The following MAML3 variants were observed in gnomAD, a reference collection of about 807,000 sequenced individuals.
MAML3 encodes mastermind like transcriptional coactivator 3.
In MAML3, 27 loss-of-function variants were observed where a neutral mutation model predicts 101.9. That is an observed-to-expected ratio of 0.27 (90% CI 0.20 to 0.37). The LOEUF (loss-of-function observed/expected upper bound fraction) is 0.37. Among genes scored for constraint, MAML3 ranks in the 10% least tolerant of loss-of-function variants. The probability of loss-of-function intolerance (pLI) is 1.00; values close to 1 mark genes in which losing one functional copy is unlikely to be tolerated. For missense variants in MAML3, 1,316 were observed against 1,444.9 expected (o/e 0.91, Z 1.45); for synonymous variants, 501 against 555.9 (o/e 0.90, Z 1.39).
chr4:140,014,505 T>C (rs778910193), intron 1 of MAML3, among the ~76,000 whole-genome samples: 1 of 152,286 alleles, frequency 6.6e-6, no homozygotes, highest in Middle Eastern at 3.4e-3. Flanking sequence ...CAGAAATTAG[T>C]CATTCGACAA....
At chr4:139,840,642 A>G (rs1419634661) in intron 2 of MAML3, among the ~76,000 whole-genome samples, 1 of 152,198 alleles carries the variant, frequency 6.6e-6, no homozygotes, top group Non-Finnish European at 1.5e-5. Flanking sequence ...GAGAAAATGC[A>G]CTAATTATCC....
intron 2 of MAML3, among the ~76,000 whole-genome samples, chr4:139,851,249 T>C (rs1485138711): frequency 6.6e-6 from 1 of 152,238 alleles, no homozygotes; most frequent in East Asian, 1.9e-4. Context: ...TCCAACTTCT[T>C]AAAGGTGTTG....
chr4:140,011,717 TCAG>T (rs1726567617), intron 1 of MAML3, among the ~76,000 whole-genome samples: 1 of 152,160 alleles, frequency 6.6e-6, no homozygotes, highest in Admixed American at 6.5e-5. Context: ...TACTATTGCT[TCAG>T]GTTTGGCTAA....
chr4:139,955,579 T>A (rs1214429326), intron 1 of MAML3, among the ~76,000 whole-genome samples: 1 of 152,200 alleles, frequency 6.6e-6, no homozygotes, highest in African/African-American at 2.4e-5. Context: ...CTCAAAAAAA[T>A]GAAATGCTCT....
intron 1 of MAML3, among the ~76,000 whole-genome samples, chr4:139,995,049 T>C (rs1162167314): frequency 6.6e-6 from 1 of 152,184 alleles, no homozygotes; most frequent in Non-Finnish European, 1.5e-5. Flanking sequence ...TTTATCGGGA[T>C]GAGGAAATTT....
At chr4:140,011,569 C>A (rs528921918) in intron 1 of MAML3, among the ~76,000 whole-genome samples, 1 of 151,344 alleles carries the variant, frequency 6.6e-6, no homozygotes, top group Non-Finnish European at 1.5e-5. Flanking sequence ...TGGTCTCGAT[C>A]TCCTGACCTC....
chr4:139,912,611 C>G lies in MAML3; in HGVS notation c.469-21644G>C, dbSNP rs550660129. ...AAGATGAGGTCATACTGGAGTAGAACAGGCAAAACCCAACACAGCTGGTAT... is the reference window on the plus strand; with the variant it reads ...AAGATGAGGTCATACTGGAGTAGAAGAGGCAAAACCCAACACAGCTGGTAT... On this transcript the variant is annotated intron_variant, in intron 1 of 4. Coordinates refer to ENST00000509479, the MANE Select transcript of MAML3 (RefSeq NM_018717.5). 9.8e-5 allele frequency among the ~76,000 whole-genome samples: 15 copies of G among 152,316 alleles called. No homozygotes were observed. In the East Asian group the frequency reaches 2.9e-3, roughly 29 times the overall value.
chr4:139,863,831 G>GTTTTTTTT (rs1560817697), intron 2 of MAML3, among the ~76,000 whole-genome samples: 5 of 50,760 alleles, frequency 9.9e-5, no homozygotes, highest in Non-Finnish European at 1.8e-4. Flanking sequence ...CCAGAACATG[G>GTTTTTTTT]GTTTTTTTTT....
intron 2 of MAML3, among the ~76,000 whole-genome samples, chr4:139,864,037 C>A (rs535529436): frequency 1.3e-5 from 2 of 152,210 alleles, no homozygotes; most frequent in Non-Finnish European, 2.9e-5. Flanking sequence ...ACCAAAGAAA[C>A]TTACAGAAGC....
At chr4:140,029,814 C>T (rs929876375) in intron 1 of MAML3, among the ~76,000 whole-genome samples, 39 of 151,898 alleles carry the variant, frequency 2.6e-4, no homozygotes, top group East Asian at 2.3e-3. Flanking sequence ...TTTTAAAATT[C>T]GTACAAAATA....
intron 1 of MAML3, among the ~76,000 whole-genome samples, chr4:139,986,892 C>T (rs913675513): frequency 1.3e-5 from 2 of 152,138 alleles, no homozygotes; most frequent in African/African-American, 4.8e-5. Flanking sequence ...AACAAACAGC[C>T]ATGATGGATT....
At chr4:139,955,716 C>T (rs1476531261) in intron 1 of MAML3, among the ~76,000 whole-genome samples, 2 of 152,212 alleles carry the variant, frequency 1.3e-5, no homozygotes, top group Non-Finnish European at 2.9e-5. Context: ...TGGTTCTCCT[C>T]CTTTTCTGAG....
At chr4:139,945,865 T>G (rs1733718043) in intron 1 of MAML3, among the ~76,000 whole-genome samples, 1 of 152,232 alleles carries the variant, frequency 6.6e-6, no homozygotes, top group African/African-American at 2.4e-5. Context: ...TAAGCCATTG[T>G]AGGAAACAAA....
chr4:139,804,769 T>A (rs1730675411), intron 2 of MAML3, among the ~76,000 whole-genome samples: 1 of 152,234 alleles, frequency 6.6e-6, no homozygotes, highest in African/African-American at 2.4e-5. Flanking sequence ...AGAAACAATT[T>A]ATGTTTTGGG....
chr4:140,092,175 C>T (rs1380398101), intron 1 of MAML3, among the ~76,000 whole-genome samples: 1 of 146,602 alleles, frequency 6.8e-6, no homozygotes, highest in Non-Finnish European at 1.5e-5. Context: ...AAGATGGGAA[C>T]TCAGACTTAA....
At chr4:140,022,635 C>A (rs1167437655) in intron 1 of MAML3, among the ~76,000 whole-genome samples, 2 of 152,072 alleles carry the variant, frequency 1.3e-5, no homozygotes, top group Non-Finnish European at 2.9e-5. Flanking sequence ...TGTGTGTAGG[C>A]CAGACAAGAA....
chr4:140,114,630 A>G (rs1398986847), intron 1 of MAML3, among the ~76,000 whole-genome samples: 1 of 152,222 alleles, frequency 6.6e-6, no homozygotes, highest in African/African-American at 2.4e-5. Context: ...GTCTTTTAAG[A>G]AACTTTGGAT....
chr4:139,903,466 G>A (rs1732764711), intron 1 of MAML3, among the ~76,000 whole-genome samples: 1 of 152,222 alleles, frequency 6.6e-6, no homozygotes, highest in Admixed American at 6.5e-5. Context: ...CGGCAATGTA[G>A]CAGTCTACGT....
intron 1 of MAML3, among the ~76,000 whole-genome samples, chr4:140,105,356 C>T (rs887210177): frequency 4.6e-5 from 7 of 152,268 alleles, no homozygotes; most frequent in South Asian, 2.1e-4. Flanking sequence ...ATGAGCAACT[C>T]GACTATCCTG....
Sources: allele counts gnomAD v4.1 joint callset (sites outside exome capture counted in the v4.1 genomes callset), GRCh38; gene constraint gnomAD v4.1.1; transcripts MANE v1.5; gene names NCBI Gene and HGNC (gene_info 2026-07-23, HGNC 2026-07-21).